The following CLNK variants were observed in gnomAD, a reference collection of about 807,000 sequenced individuals.
CLNK encodes the protein cytokine-dependent hematopoietic cell linker.
Under a neutral mutation model 68.6 loss-of-function variants are expected in CLNK, and 74 were observed. That is an observed-to-expected ratio of 1.08 (90% CI 0.89 to 1.31). The LOEUF (loss-of-function observed/expected upper bound fraction) is 1.31. Among genes scored for constraint, CLNK ranks in the 50% most tolerant of loss-of-function variants. The pLI is 0.00. For missense variants in CLNK, 553 were observed against 515.3 expected (o/e 1.07, Z -0.71); for synonymous variants, 198 against 172.2 (o/e 1.15, Z -1.17).
At chr4:10,494,459 ATT>A (rs11379290) in intron 18 of CLNK, among the ~76,000 whole-genome samples, 10 of 140,056 alleles carry the variant, frequency 7.1e-5, no homozygotes, top group Non-Finnish European at 6.2e-5. Context: ...AGTATTTCCT[ATT>A]TTTTTTTTTT....
rs1716488362 is a variant in CLNK, at chr4:10,489,742, C to T, written c.*725G>A. On this transcript the variant is annotated 3_prime_UTR_variant, in exon 19 of 19. Transcript: ENST00000226951. ...AGTGCAGTGGCGCGATTTCGGCTCA[C>T]TGCAAGCTCCGCCTCCCGGGTTCAC... 1.3e-5 allele frequency: 1 copy of T among 76,964 alleles called. No individual in the cohort carries two copies. Among genetic ancestry groups the T allele is most frequent in the Non-Finnish European group, 2.9e-5 (1 of 34,244 alleles). 4.8% of individuals were successfully genotyped at this position (76,964 alleles called of 1,614,324 possible).
the CLNK span, among the ~76,000 whole-genome samples, chr4:10,700,158 C>A: frequency 6.6e-6 from 1 of 151,950 alleles, no homozygotes; most frequent in South Asian, 2.1e-4. Context: ...TGGAATAAGG[C>A]ATAATGAGAT....
the CLNK span, among the ~76,000 whole-genome samples, chr4:10,731,385 C>G: frequency 6.6e-6 from 1 of 152,220 alleles, no homozygotes; most frequent in Non-Finnish European, 1.5e-5. Context: ...CCTCCAGTCT[C>G]ATGCCACCGG....
intron 17 of CLNK, among the ~76,000 whole-genome samples, chr4:10,502,709 A>T (rs190369753): frequency 1.3e-5 from 2 of 152,142 alleles, no homozygotes; most frequent in African/African-American, 4.8e-5. Flanking sequence ...CCTGAAAGAG[A>T]CATGGGGCTT....
At chr4:10,646,686 T>TC (rs1254613866) in intron 2 of CLNK, among the ~76,000 whole-genome samples, 1 of 151,202 alleles carries the variant, frequency 6.6e-6, no homozygotes, top group Admixed American at 6.6e-5. Context: ...TCTCACCTGC[T>TC]CTTTTTTTTT....
At chr4:10,689,671 A>G (rs1192107215), upstream of CLNK, among the ~76,000 whole-genome samples, 2 of 149,318 alleles carry the variant, frequency 1.3e-5, no homozygotes, top group Non-Finnish European at 3.0e-5. Flanking sequence ...AACACAACCA[A>G]AGAAGGGTGT....
chr4:10,729,749 C>A, the CLNK span, among the ~76,000 whole-genome samples: 2 of 152,192 alleles, frequency 1.3e-5, no homozygotes, highest in East Asian at 1.9e-4. Flanking sequence ...CTGTAAGGAA[C>A]GTTGCAAAAG....
At chr4:10,727,128 C>T in the CLNK span, among the ~76,000 whole-genome samples, 1 of 152,092 alleles carries the variant, frequency 6.6e-6, no homozygotes, top group Non-Finnish European at 1.5e-5. Context: ...ATTCTCAAAC[C>T]GTAAAAGTAT....
In CLNK at chr4:10,615,115, G is replaced by A. The variant is rs988637641; in HGVS notation, c.12-17066C>T. Among the ~76,000 whole-genome samples, 6 of 152,250 alleles carry A rather than the reference G, an allele frequency of 3.9e-5. No homozygotes were observed. In the East Asian group the frequency reaches 7.7e-4, roughly 20 times the overall value. ...GCAGGAGAATTGCTTGGACCCAGAA[G>A]GTGGAGGTCGGCAGTGACCCGAGTT... On this transcript the variant is annotated intron_variant, in intron 2 of 18. Transcript: ENST00000226951.
chr4:10,556,104 C>T (rs900633783), intron 8 of CLNK, among the ~76,000 whole-genome samples: 11 of 152,194 alleles, frequency 7.2e-5, no homozygotes, highest in African/African-American at 2.2e-4. Context: ...TTACAAAACG[C>T]TCATATTTTT....
intron 2 of CLNK, among the ~76,000 whole-genome samples, chr4:10,608,125 T>C (rs2720352): frequency 0.69 from 105,616 of 152,086 alleles, 37,584 homozygotes; most frequent in East Asian, 0.77. Flanking sequence ...TCTTGATCTT[T>C]CTCCCGGACC....
chr4:10,643,697 G>A (rs925992480), intron 2 of CLNK, among the ~76,000 whole-genome samples: 3 of 152,198 alleles, frequency 2.0e-5, no homozygotes, highest in African/African-American at 4.8e-5. Context: ...CCCCCAGTCA[G>A]AGTTCAAAAT....
chr4:10,679,373 G>T lies in CLNK; in HGVS notation c.-43+5295C>A, dbSNP rs1022917428. Among the ~76,000 whole-genome samples the T allele has an allele frequency of 1.6e-4, 24 of 152,322 alleles. No homozygotes were observed. The Middle Eastern group carries it at 0.017, about 108-fold the overall frequency. ...CTTACACAAAAATTAATTCAAGATG[G>T]ATGAAAGACTTACATGTTAGACCTA... On this transcript the variant is annotated intron_variant, in intron 1 of 18. Coordinates refer to ENST00000226951, the MANE Select transcript of CLNK (RefSeq NM_052964.4).
At chr4:10,607,141 G>C (rs1266602341) in intron 2 of CLNK, among the ~76,000 whole-genome samples, 1 of 152,186 alleles carries the variant, frequency 6.6e-6, no homozygotes. Context: ...GCAACACTGG[G>C]TGTCTGAGGA....
chr4:10,666,698 G>A (rs574269839), intron 2 of CLNK, among the ~76,000 whole-genome samples: 4 of 152,364 alleles, frequency 2.6e-5, no homozygotes, highest in Admixed American at 6.5e-5. Flanking sequence ...TCCTGGCAAA[G>A]AAGGGATGCT....
intron 2 of CLNK, among the ~76,000 whole-genome samples, chr4:10,607,373 G>T (rs1237268146): frequency 6.6e-6 from 1 of 152,108 alleles, no homozygotes; most frequent in Non-Finnish European, 1.5e-5. Context: ...CTATCATTTG[G>T]CCATAGTACA....
intron 5 of CLNK, among the ~76,000 whole-genome samples, chr4:10,571,102 A>G (rs996144781): frequency 2.6e-5 from 4 of 152,150 alleles, no homozygotes; most frequent in African/African-American, 4.8e-5. Flanking sequence ...AAATTTTACT[A>G]TGAGTGTTAG....
the CLNK span, chr4:10,692,112 T>A: frequency 6.6e-6 from 1 of 151,998 alleles, no homozygotes; most frequent in African/African-American, 2.4e-5. Context: ...TTAAGGCAAG[T>A]AGAAATAATA....
chr4:10,648,637 A>G (rs1560261525), intron 2 of CLNK, among the ~76,000 whole-genome samples: 2 of 152,170 alleles, frequency 1.3e-5, no homozygotes, highest in Non-Finnish European at 2.9e-5. Flanking sequence ...AAGAAATCCA[A>G]GGCTTACAGA....
Sources: allele counts gnomAD v4.1 joint callset (sites outside exome capture counted in the v4.1 genomes callset), GRCh38; gene constraint gnomAD v4.1.1; transcripts MANE v1.5; gene names NCBI Gene and HGNC (gene_info 2026-07-23, HGNC 2026-07-21).